The following ASCC3 variants were observed in gnomAD, a reference collection of about 807,000 sequenced individuals.
ASCC3 encodes the protein activating signal cointegrator 1 complex subunit 3, also known as ASC-1 complex subunit P200.
ASCC3 carries 158 observed loss-of-function variants against 256.3 expected under a neutral mutation model. The observed-to-expected ratio is 0.62, with a 90% CI of 0.54 to 0.70. The LOEUF (loss-of-function observed/expected upper bound fraction) is 0.70. ASCC3 is among the 30% of genes least tolerant of loss of function. The probability of loss-of-function intolerance (pLI) is 0.00; values close to 1 mark genes in which losing one functional copy is unlikely to be tolerated. For synonymous variants in ASCC3, 948 were observed against 883.4 expected (o/e 1.07, Z -1.30); for missense variants, 2,259 against 2,626.0 (o/e 0.86, Z 3.05).
At chr6:100,708,452 A>T (rs1393710412) in intron 13 of ASCC3, among the ~76,000 whole-genome samples, 1 of 152,144 alleles carries the variant, frequency 6.6e-6, no homozygotes, top group Non-Finnish European at 1.5e-5. Context: ...ACACATTTAG[A>T]TGAAAATACA....
chr6:100,537,595 T>C (rs894010637), intron 37 of ASCC3, among the ~76,000 whole-genome samples: 35 of 152,066 alleles, frequency 2.3e-4, no homozygotes, highest in African/African-American at 8.0e-4. Flanking sequence ...AAAATTTCAT[T>C]GTAGTATTTT....
At chr6:100,832,633 G>A (rs1771677171) in intron 4 of ASCC3, among the ~76,000 whole-genome samples, 1 of 152,010 alleles carries the variant, frequency 6.6e-6, no homozygotes, top group Non-Finnish European at 1.5e-5. Flanking sequence ...GGTATTCAGT[G>A]GTTGGAAGAA....
intron 2 of ASCC3, 116 bp from the exon 3 acceptor site, chr6:100,864,330 A>C: frequency 3.3e-6 from 3 of 912,372 alleles, no homozygotes; most frequent in Non-Finnish European, 5.0e-6. Context: ...CAAGAATTCA[A>C]AGTTGTATCT....
At chr6:100,596,022 T>G (rs1772276695) in intron 34 of ASCC3, among the ~76,000 whole-genome samples, 1 of 152,198 alleles carries the variant, frequency 6.6e-6, no homozygotes. Context: ...CTTAGAATTG[T>G]GCTTTGGTTT....
At chr6:100,617,082 G>A (rs974087231) in intron 30 of ASCC3, among the ~76,000 whole-genome samples, 2 of 152,092 alleles carry the variant, frequency 1.3e-5, no homozygotes, top group Admixed American at 1.3e-4. Flanking sequence ...TTGGCTCACT[G>A]CAATCTCTGC....
chr6:100,817,721 C>G (rs1770823569), intron 4 of ASCC3, among the ~76,000 whole-genome samples: 1 of 151,960 alleles, frequency 6.6e-6, no homozygotes, highest in Admixed American at 6.6e-5. Flanking sequence ...AAAACCAACT[C>G]AAGAAGTAAT....
At chr6:100,733,507 C>T (rs948308276) in intron 10 of ASCC3, among the ~76,000 whole-genome samples, 4 of 152,108 alleles carry the variant, frequency 2.6e-5, no homozygotes, top group South Asian at 2.1e-4. Context: ...TTTTGCTTTC[C>T]GCCACTTAGC....
rs74966722 is a variant in ASCC3 at position 100,855,567 on chromosome 6, C to T, written c.242-6860G>A. The stretch of plus-strand genomic sequence containing the variant: ...TCTTGTAAAATGGACATAAATATAA[C>T]ACCTCTGTCTTTGAAACATTCAAAA... On this transcript the variant is annotated intron_variant, in intron 3 of 41. Coordinates refer to ENST00000369162, the MANE Select transcript of ASCC3 (RefSeq NM_006828.4). Among the ~76,000 whole-genome samples the T allele has an allele frequency of 1.6e-3, 248 of 152,326 alleles. 1 individual carries two copies. Among genetic ancestry groups the T allele is most frequent in the African/African-American group, 5.8e-3 (240 of 41,578 alleles).
At chr6:100,864,003 A>G in intron 3 of ASCC3, 61 bp downstream of exon 3, 1 of 1,323,580 alleles carries the variant, frequency 7.6e-7, no homozygotes. Flanking sequence ...TTTACAAGGA[A>G]TCTGTTTTTG....
intron 4 of ASCC3, among the ~76,000 whole-genome samples, chr6:100,838,278 T>C (rs527529359): frequency 6.6e-6 from 1 of 152,032 alleles, no homozygotes; most frequent in South Asian, 2.1e-4. Flanking sequence ...GAGAAGAAAA[T>C]GTTAAAACCT....
intron 4 of ASCC3, among the ~76,000 whole-genome samples, chr6:100,839,943 T>G (rs1772057355): frequency 6.6e-6 from 1 of 152,232 alleles, no homozygotes. Flanking sequence ...ATTATAAAAC[T>G]TCAAAGATCT....
intron 13 of ASCC3, among the ~76,000 whole-genome samples, chr6:100,698,393 TATG>T (rs1198997178): frequency 6.6e-6 from 1 of 152,158 alleles, no homozygotes; most frequent in East Asian, 1.9e-4. Flanking sequence ...GGAGTGCTCT[TATG>T]ATAAGCTAGC....
Position 100,540,354 on chromosome 6 carries a change from G to A in ASCC3, c.5584C>T (p.His1862Tyr). Residue 1862 changes from histidine (H) to tyrosine (Y), a missense_variant, in exon 37 of 42, where the codon CAC (histidine) becomes TAC (tyrosine). His to Tyr is a moderately conservative substitution (Grantham distance 83, BLOSUM62 2). Around this residue, in one of 2 missense-constraint regions of ASCC3, gnomAD observed 1,839 missense variants for 2,206.7 expected, o/e 0.83. Transcript: ENST00000369162. ...AEEYTDLPVRHNEDHMNSELA... is the reference protein window; with the variant it reads ...AEEYTDLPVRYNEDHMNSELA... ...TCACTATTCATATGATCTTCATTGT[G>A]TCTCACTGGCAAATCTGTATATTCT... The A allele has an allele frequency of 1.2e-6, 2 of 1,611,806 alleles. No individual in the cohort carries two copies. Among genetic ancestry groups the A allele is most frequent in the South Asian group, 1.1e-5 (1 of 91,008 alleles).
intron 8 of ASCC3, among the ~76,000 whole-genome samples, chr6:100,787,875 A>T (rs1189352568): frequency 5.9e-5 from 9 of 152,014 alleles, no homozygotes; most frequent in African/African-American, 2.2e-4. Flanking sequence ...CAACTTTAAA[A>T]TTTACAGAAG....
At chr6:100,850,282 A>G (rs958619750) in intron 3 of ASCC3, among the ~76,000 whole-genome samples, 1 of 152,048 alleles carries the variant, frequency 6.6e-6, no homozygotes, top group African/African-American at 2.4e-5. Context: ...TTTCTTCACC[A>G]AAAACCACGT....
At chr6:100,717,923 C>A in intron 12 of ASCC3, 152 bp downstream of exon 12, 1 of 652,684 alleles carries the variant, frequency 1.5e-6, no homozygotes, top group Admixed American at 2.7e-5. Flanking sequence ...TAGGATATCA[C>A]ATCTGTAATG....
chr6:100,819,931 A>G (rs942283120), intron 4 of ASCC3, among the ~76,000 whole-genome samples: 1 of 152,118 alleles, frequency 6.6e-6, no homozygotes, highest in Admixed American at 6.6e-5. Flanking sequence ...AAATCAAACA[A>G]AGGAAGTATA....
intron 36 of ASCC3, among the ~76,000 whole-genome samples, chr6:100,556,493 T>C (rs1444562728): frequency 6.6e-6 from 1 of 152,172 alleles, no homozygotes; most frequent in Non-Finnish European, 1.5e-5. Flanking sequence ...AAGCGAAATA[T>C]GTACACAACA....
chr6:100,523,218 T>C (rs866832928), intron 37 of ASCC3, among the ~76,000 whole-genome samples: 47 of 151,916 alleles, frequency 3.1e-4, no homozygotes, highest in African/African-American at 1.1e-3. Flanking sequence ...TAACCACTGG[T>C]ATTCATTTTC....
Sources: allele counts gnomAD v4.1 joint callset (sites outside exome capture counted in the v4.1 genomes callset), GRCh38; gene constraint gnomAD v4.1.1; regional missense constraint gnomAD v4.1.1; transcripts MANE v1.5; gene names NCBI Gene and HGNC (gene_info 2026-07-23, HGNC 2026-07-21).